Variants in ARHGEF4 observed in about 807,000 individuals in gnomAD.
ARHGEF4 encodes the protein Rho guanine nucleotide exchange factor 4.
A neutral mutation model predicts 162.0 loss-of-function variants in ARHGEF4; 119 were observed. The observed-to-expected ratio is 0.73, with a 90% CI of 0.63 to 0.86. The LOEUF is 0.86. Among genes scored for constraint, ARHGEF4 ranks in the 40% least tolerant of loss-of-function variants. The pLI is 0.00. For synonymous variants in ARHGEF4, 1,014 were observed against 979.9 expected (o/e 1.03, Z -0.65); for missense variants, 2,488 against 2,456.0 (o/e 1.01, Z -0.28).
chr2:130,868,886 A>T (rs1311662857), intron 1 of ARHGEF4, among the ~76,000 whole-genome samples: 1 of 152,184 alleles, frequency 6.6e-6, no homozygotes, highest in Admixed American at 6.5e-5. Flanking sequence ...GTGGCCGCCT[A>T]CATTCCTTGG....
At chr2:131,005,834 A>C (rs1227145338) in intron 4 of ARHGEF4, among the ~76,000 whole-genome samples, 1 of 152,200 alleles carries the variant, frequency 6.6e-6, no homozygotes, top group African/African-American at 2.4e-5. Flanking sequence ...CAGAATTCTC[A>C]GGATGCTCCC....
chr2:130,845,769 A>G (rs563548600), intron 1 of ARHGEF4, among the ~76,000 whole-genome samples: 1 of 152,338 alleles, frequency 6.6e-6, no homozygotes, highest in South Asian at 2.1e-4. Context: ...TCCACAGAGC[A>G]GCACTAGGAG....
chr2:130,913,147 C>G (rs1375012174), intron 1 of ARHGEF4, among the ~76,000 whole-genome samples: 1 of 152,026 alleles, frequency 6.6e-6, no homozygotes, highest in African/African-American at 2.4e-5. Context: ...ATTTGTTTAT[C>G]TGAAACTCCA....
chr2:130,883,364 A>G (rs535420483), intron 1 of ARHGEF4, among the ~76,000 whole-genome samples: 4 of 152,070 alleles, frequency 2.6e-5, no homozygotes, highest in African/African-American at 7.2e-5. Flanking sequence ...GGGGTGCCAG[A>G]GCTCCCTCTT....
intron 1 of ARHGEF4, among the ~76,000 whole-genome samples, chr2:130,844,811 AAT>A (rs1212795944): frequency 5.3e-5 from 8 of 151,458 alleles, no homozygotes; most frequent in Non-Finnish European, 2.9e-5. Flanking sequence ...TCCCCAAACA[AAT>A]ATATATATAT....
chr2:130,842,626 ATAAT>A (rs1680684003), intron 1 of ARHGEF4, among the ~76,000 whole-genome samples: 1 of 152,124 alleles, frequency 6.6e-6, no homozygotes, highest in Non-Finnish European at 1.5e-5. Context: ...GCCACCATTG[ATAAT>A]TTATTTAGGG....
chr2:130,905,004 C>T (rs1364352078), intron 1 of ARHGEF4, among the ~76,000 whole-genome samples: 1 of 152,156 alleles, frequency 6.6e-6, no homozygotes, highest in Non-Finnish European at 1.5e-5. Context: ...GCTTGAACAT[C>T]GGAGGCAGAG....
chr2:130,920,558 C>G (rs1403516092), intron 2 of ARHGEF4, among the ~76,000 whole-genome samples: 1 of 152,162 alleles, frequency 6.6e-6, no homozygotes, highest in Non-Finnish European at 1.5e-5. Flanking sequence ...TTCCCTCTGT[C>G]TGGTAGAACC....
chr2:130,841,310 C>A lies in ARHGEF4; in HGVS notation c.39+4318C>A, dbSNP rs144520889. ...CGAACTCCTGACCTCGTGATTCGTC[C>A]GCCTTAGTCTCCCAAAGTGCTGGGA... On this transcript the variant is annotated intron_variant, in intron 1 of 13. Transcript: ENST00000409359. Among the ~76,000 whole-genome samples, 317 of 151,752 alleles carry A rather than the reference C, an allele frequency of 2.1e-3. 3 individuals carry two copies. The highest frequency in any genetic ancestry group is 7.0e-3 in the African/African-American group (291 of 41,344).
chr2:130,968,925 A>C (rs11687691), intron 4 of ARHGEF4, among the ~76,000 whole-genome samples: 48 of 152,200 alleles, frequency 3.2e-4, no homozygotes, highest in African/African-American at 1.1e-3. Context: ...CTCAAAAAAT[A>C]AAATTAAATT....
rs142850137 is a variant in ARHGEF4, at chr2:130,906,140, C to G, written c.40-7846C>G. 1.9e-3 allele frequency among the ~76,000 whole-genome samples: 283 copies of G among 152,298 alleles called. 4 individuals carry two copies. The East Asian group carries it at 0.051, about 28-fold the overall frequency. On this transcript the variant is annotated intron_variant, in intron 1 of 13. Transcript: ENST00000409359. ...AGCAATTCCATATTTTTTGGCACCA[C>G]AATGTGCTCCAGGTTCACCTTCTAT...
intron 3 of ARHGEF4, among the ~76,000 whole-genome samples, chr2:130,933,836 G>A (rs1023641560): frequency 1.3e-3 from 192 of 152,074 alleles, no homozygotes; most frequent in African/African-American, 4.1e-3. Context: ...TGGATTCTTT[G>A]GAAATTTCTA....
intron 1 of ARHGEF4, among the ~76,000 whole-genome samples, chr2:130,871,960 A>G (rs1398366008): frequency 6.6e-6 from 1 of 152,226 alleles, no homozygotes; most frequent in African/African-American, 2.4e-5. Flanking sequence ...ATCTTGGCAC[A>G]TGCCTATCAG....
intron 3 of ARHGEF4, among the ~76,000 whole-genome samples, chr2:130,934,233 T>C (rs904992684): frequency 6.6e-6 from 1 of 152,204 alleles, no homozygotes; most frequent in African/African-American, 2.4e-5. Context: ...GTATATTACA[T>C]TGAATATGTA....
At chr2:131,023,514 A>G (rs547075782) in intron 4 of ARHGEF4, among the ~76,000 whole-genome samples, 12 of 152,364 alleles carry the variant, frequency 7.9e-5, no homozygotes, top group African/African-American at 2.6e-4. Flanking sequence ...GATGTTCAAC[A>G]TCGTCAGCCT....
At chr2:130,907,103 G>A (rs59680865) in intron 1 of ARHGEF4, among the ~76,000 whole-genome samples, 4,397 of 151,758 alleles carry the variant, frequency 0.029, 202 homozygotes, top group African/African-American at 0.098. Flanking sequence ...CCAAAATGCC[G>A]TATAAATGGA....
At chr2:130,997,510 C>T (rs1159628565) in intron 4 of ARHGEF4, among the ~76,000 whole-genome samples, 3 of 152,184 alleles carry the variant, frequency 2.0e-5, no homozygotes, top group African/African-American at 7.2e-5. Flanking sequence ...CAGCAGGCAT[C>T]ACGTGCATTC....
intron 1 of ARHGEF4, among the ~76,000 whole-genome samples, chr2:130,865,497 G>T (rs1277943061): frequency 6.6e-6 from 1 of 152,158 alleles, no homozygotes; most frequent in Non-Finnish European, 1.5e-5. Flanking sequence ...GGCAGGTTGT[G>T]TCACCTCCTC....
At chr2:131,011,925 T>C in intron 4 of ARHGEF4, 1 of 701,970 alleles carries the variant, frequency 1.4e-6, no homozygotes, top group Non-Finnish European at 2.6e-6. Context: ...GGTGGACAGA[T>C]GAAAAATGGT....
Sources: allele counts gnomAD v4.1 joint callset (sites outside exome capture counted in the v4.1 genomes callset), GRCh38; gene constraint gnomAD v4.1.1; transcripts MANE v1.5; gene names NCBI Gene and HGNC (gene_info 2026-07-23, HGNC 2026-07-21).